The following CSMD3 variants were observed in gnomAD, a reference collection of about 807,000 sequenced individuals.
CSMD3 encodes CUB and sushi domain-containing protein 3.
Under a neutral mutation model 435.2 loss-of-function variants are expected in CSMD3, and 177 were observed. The ratio of observed to expected loss-of-function variants is 0.41; its 90% CI spans 0.36 to 0.46. The LOEUF is 0.46. Ranked by LOEUF, CSMD3 falls within the 20% of genes least tolerant of loss-of-function variation. The pLI, the probability that CSMD3 is intolerant of heterozygous loss-of-function variation, is 0.34. For synonymous variants in CSMD3, 1,656 were observed against 1,520.5 expected (o/e 1.09, Z -2.07); for missense variants, 4,265 against 4,504.6 (o/e 0.95, Z 1.52).
intron 20 of CSMD3, among the ~76,000 whole-genome samples, chr8:112,642,921 T>A (rs1045849104): frequency 1.3e-5 from 2 of 152,222 alleles, no homozygotes; most frequent in Admixed American, 1.3e-4. Flanking sequence ...TGTGCCATGA[T>A]GTGTTCAGTT....
intron 10 of CSMD3, among the ~76,000 whole-genome samples, chr8:112,920,601 A>C (rs1464438826): frequency 6.6e-6 from 1 of 151,792 alleles, no homozygotes; most frequent in African/African-American, 2.4e-5. Flanking sequence ...GTCTAATGAT[A>C]TTGGCATATC....
At chr8:113,354,770 A>T (rs1185291534) in intron 1 of CSMD3, among the ~76,000 whole-genome samples, 1 of 151,730 alleles carries the variant, frequency 6.6e-6, no homozygotes, top group African/African-American at 2.4e-5. Context: ...CTCCCAAATA[A>T]TTGGGACTAC....
At chr8:112,681,128 A>T (rs916819471) in intron 16 of CSMD3, among the ~76,000 whole-genome samples, 1 of 151,078 alleles carries the variant, frequency 6.6e-6, no homozygotes, top group African/African-American at 2.4e-5. Flanking sequence ...TCTGCCTCCC[A>T]GGTTCAAGCG....
rs1159933349 is a variant in CSMD3, at chr8:112,342,971, T to TTA, written c.6443-1287_6443-1286dup. Among the ~76,000 whole-genome samples, 141 of 92,378 alleles carry TTA rather than the reference T, an allele frequency of 1.5e-3. 3 individuals carry two copies. The highest frequency in any genetic ancestry group is 0.015 in the South Asian group (46 of 3,124). 60.6% of individuals were successfully genotyped at this position (92,378 alleles called of 152,430 possible). A position where few individuals can be genotyped will look rare whatever the true frequency, so the allele number is the denominator to read the frequency against. On this transcript the variant is annotated intron_variant, in intron 41 of 70. Coordinates refer to ENST00000297405, the MANE Select transcript of CSMD3 (RefSeq NM_198123.2). ...ATGTTTCTTTACCTCTTGAAATGTATTATATATATATATATTTATATATAT... is the reference window on the plus strand; with the variant it reads ...ATGTTTCTTTACCTCTTGAAATGTATTATATATATATATATATTTATATATAT...
At chr8:112,993,284 T>A (rs2085522918) in intron 6 of CSMD3, among the ~76,000 whole-genome samples, 1 of 151,800 alleles carries the variant, frequency 6.6e-6, no homozygotes, top group Admixed American at 6.6e-5. Flanking sequence ...GGCACAAATA[T>A]GACTGTGAAT....
intron 12 of CSMD3, among the ~76,000 whole-genome samples, chr8:112,808,228 C>A (rs1358294682): frequency 6.6e-6 from 1 of 152,078 alleles, no homozygotes; most frequent in Non-Finnish European, 1.5e-5. Context: ...TTTGGATGGT[C>A]TGAAGTCTTT....
intron 53 of CSMD3, among the ~76,000 whole-genome samples, chr8:112,298,635 C>A (rs952937644): frequency 5.3e-5 from 8 of 151,918 alleles, no homozygotes; most frequent in Non-Finnish European, 1.0e-4. Context: ...CAATTCATAA[C>A]AAAAAGGCAA....
chr8:113,171,617 AAGAAAAGTTCTTAAAC>A (rs1444898467), intron 4 of CSMD3, among the ~76,000 whole-genome samples: 1 of 152,160 alleles, frequency 6.6e-6, no homozygotes, highest in East Asian at 1.9e-4. Flanking sequence ...TCCAATTATA[AAGAAAAGTTCTTAAAC>A]AGAGACACAA....
At chr8:113,075,816 T>C (rs960348751) in intron 5 of CSMD3, among the ~76,000 whole-genome samples, 3 of 151,836 alleles carry the variant, frequency 2.0e-5, no homozygotes, top group African/African-American at 7.2e-5. Flanking sequence ...TTGTAAAGTA[T>C]GCTACTGTTA....
At chr8:112,895,878 G>C (rs2081936443) in intron 10 of CSMD3, among the ~76,000 whole-genome samples, 1 of 151,378 alleles carries the variant, frequency 6.6e-6, no homozygotes. Flanking sequence ...CAAAACAGAT[G>C]CTAAGAGAGT....
At chr8:112,932,843 T>C (rs1012061216) in intron 9 of CSMD3, among the ~76,000 whole-genome samples, 2 of 152,156 alleles carry the variant, frequency 1.3e-5, no homozygotes, top group African/African-American at 4.8e-5. Flanking sequence ...AGATTTTAAA[T>C]GTTTCTAAGA....
chr8:112,302,815 CAA>C (rs986685413), intron 52 of CSMD3, among the ~76,000 whole-genome samples: 1 of 150,546 alleles, frequency 6.6e-6, no homozygotes, highest in Non-Finnish European at 1.5e-5. Context: ...CTCATCCCCC[CAA>C]AAAAAATCAT....
chr8:112,717,898 A>G (rs1355610387), intron 13 of CSMD3, among the ~76,000 whole-genome samples: 1 of 151,966 alleles, frequency 6.6e-6, no homozygotes, highest in South Asian at 2.1e-4. Flanking sequence ...AATAACACAC[A>G]CCAGGGCCTG....
At chr8:113,046,268 C>G (rs2087826097) in intron 5 of CSMD3, among the ~76,000 whole-genome samples, 1 of 148,280 alleles carries the variant, frequency 6.7e-6, no homozygotes, top group African/African-American at 2.4e-5. Flanking sequence ...ACAACAGCCA[C>G]GGGGAAAGGA....
intron 3 of CSMD3, among the ~76,000 whole-genome samples, chr8:113,188,969 G>A (rs1445997983): frequency 6.6e-6 from 1 of 151,732 alleles, no homozygotes; most frequent in Non-Finnish European, 1.5e-5. Flanking sequence ...CTGAAAAGGT[G>A]ATCATTTGGG....
At chr8:113,310,094 A>G (rs1392522991) in intron 2 of CSMD3, 1 of 152,212 alleles carries the variant, frequency 6.6e-6, no homozygotes, top group East Asian at 1.9e-4. Context: ...AGGAGACCAG[A>G]GTAACATGTC....
intron 32 of CSMD3, among the ~76,000 whole-genome samples, chr8:112,414,569 C>T (rs1021115834): frequency 2.6e-5 from 4 of 152,118 alleles, no homozygotes; most frequent in East Asian, 1.9e-4. Flanking sequence ...CAGGCTAATA[C>T]AGTAAATTGG....
chr8:113,429,434 C>T (rs546133039), intron 1 of CSMD3, among the ~76,000 whole-genome samples: 1 of 151,876 alleles, frequency 6.6e-6, no homozygotes, highest in South Asian at 2.1e-4. Context: ...TAAGTACTGC[C>T]CCTCAATGCT....
chr8:112,495,932 A>G (rs1300779548), intron 30 of CSMD3, among the ~76,000 whole-genome samples: 1 of 151,202 alleles, frequency 6.6e-6, no homozygotes, highest in Non-Finnish European at 1.5e-5. Flanking sequence ...GTATATATAT[A>G]TATTTATACT....
Sources: gnomAD v4.1 joint callset for allele counts (sites outside exome capture counted in the v4.1 genomes callset) on GRCh38, gnomAD v4.1.1 for gene constraint, MANE v1.5 for transcripts, NCBI Gene and HGNC (gene_info 2026-07-23, HGNC 2026-07-21) for gene names.